The following NUP88 variants were observed in gnomAD, a reference collection of about 807,000 sequenced individuals.
NUP88 encodes nuclear pore complex protein Nup88.
NUP88 carries 57 observed loss-of-function variants against 93.9 expected under a neutral mutation model. That is an observed-to-expected ratio of 0.61 (90% CI 0.49 to 0.76). The LOEUF (loss-of-function observed/expected upper bound fraction) is 0.76, where lower values mean the gene tolerates loss of function less well. Ranked by LOEUF, NUP88 falls within the 30% of genes least tolerant of loss-of-function variation. The probability of loss-of-function intolerance (pLI) is 0.00; values close to 1 mark genes in which losing one functional copy is unlikely to be tolerated. For synonymous variants in NUP88, 346 were observed against 336.8 expected, an observed-to-expected ratio of 1.03 and a Z score of -0.30; for missense variants, 911 against 901.0, an observed-to-expected ratio of 1.01 and a Z score of -0.14.
intron 1 of NUP88, chr17:5,417,997 G>T (rs1038283426): frequency 6.6e-6 from 1 of 151,482 alleles, no homozygotes; most frequent in African/African-American, 2.4e-5. Flanking sequence ...AAAATTAGTC[G>T]GGCGTGGTGG....
At chr17:5,390,340 T>G (rs1331800313) in intron 10 of NUP88, among the ~76,000 whole-genome samples, 1 of 152,162 alleles carries the variant, frequency 6.6e-6, no homozygotes, top group Non-Finnish European at 1.5e-5. Flanking sequence ...ATTTTATTAT[T>G]TTTGTTTGGT....
chr17:5,407,218 G>A (rs911861808), intron 5 of NUP88, among the ~76,000 whole-genome samples: 1 of 152,122 alleles, frequency 6.6e-6, no homozygotes, highest in Non-Finnish European at 1.5e-5. Flanking sequence ...TCTCTCTCCT[G>A]TACCCACTTC....
In NUP88 at chr17:5,419,370, G is replaced by A; in HGVS notation, c.281C>T (p.Ala94Val). The change falls in exon 1 of 17, where the codon GCC (alanine) becomes GTC (valine). Residue 94 changes from alanine (A) to valine (V), a missense_variant. Coordinates refer to ENST00000573584, the MANE Select transcript of NUP88 (RefSeq NM_002532.6). ...TGGCATTACCTGGTACTGGGACAGGGCGGGCTCTTCGCCGCCGCCGCTGGG... is the reference window on the plus strand; with the variant it reads ...TGGCATTACCTGGTACTGGGACAGGACGGGCTCTTCGCCGCCGCCGCTGGG... Reference protein sequence around the residue: ...RGPSGGGEEPALSQYQRLLCI... With the variant: ...RGPSGGGEEPVLSQYQRLLCI... The A allele has an allele frequency of 6.2e-7, 1 of 1,600,516 alleles. No homozygotes were observed.
Position 5,388,806 on chromosome 17 carries a change from A to C in NUP88, c.1639T>G (p.Leu547Val). ...GCTATGCCCAAGGTTGCATACTTCA[A>C]AAATGCTGGATTGGCAACACTACGT... is the stretch of plus-strand genomic sequence containing the variant. The part of the protein sequence containing the change: ...LQRSVANPAF[L>V]KASEKDIAPP... Residue 547 changes from leucine (L) to valine (V), a missense_variant, in exon 11 of 17, where the codon TTG (leucine) becomes GTG (valine). Physicochemically the swap from Leu to Val is conservative, Grantham distance 32. Coordinates refer to ENST00000573584, the MANE Select transcript of NUP88 (RefSeq NM_002532.6). 1 of 1,613,284 alleles carries C rather than the reference A, an allele frequency of 6.2e-7. No homozygotes were observed. The highest frequency in any genetic ancestry group is 8.5e-7 in the Non-Finnish European group (1 of 1,179,648).
chr17:5,415,190 T>C (rs1188962635), intron 2 of NUP88, among the ~76,000 whole-genome samples: 2 of 151,734 alleles, frequency 1.3e-5, no homozygotes, highest in East Asian at 3.9e-4. Context: ...CCACTTATTT[T>C]TTGTATTTTA....
intron 9 of NUP88, among the ~76,000 whole-genome samples, chr17:5,393,571 G>A (rs757975571): frequency 2.2e-4 from 34 of 151,656 alleles, no homozygotes; most frequent in Non-Finnish European, 3.8e-4. Context: ...CGAGTAGCTG[G>A]GATTGCAGGT....
chr17:5,418,921 C>G (rs1399543828), intron 1 of NUP88, among the ~76,000 whole-genome samples: 2 of 152,188 alleles, frequency 1.3e-5, no homozygotes, highest in Admixed American at 6.5e-5. Flanking sequence ...TTAACAGAGA[C>G]TTCCTCCTCC....
chr17:5,396,724 T>A (rs2151638187), intron 8 of NUP88, among the ~76,000 whole-genome samples: 1 of 152,378 alleles, frequency 6.6e-6, no homozygotes, highest in East Asian at 1.9e-4. Context: ...TTCCAAAGAC[T>A]GTACCATTTT....
intron 8 of NUP88, among the ~76,000 whole-genome samples, chr17:5,395,565 G>C (rs1229413835): frequency 6.7e-6 from 1 of 149,532 alleles, no homozygotes; most frequent in Non-Finnish European, 1.5e-5. Flanking sequence ...GTCTCCCTCT[G>C]TTGCCCAGGC....
intron 7 of NUP88, among the ~76,000 whole-genome samples, chr17:5,403,305 C>T (rs1351253452): frequency 1.3e-5 from 2 of 151,986 alleles, no homozygotes; most frequent in African/African-American, 2.4e-5. Context: ...GTGAGACCCC[C>T]GTCTCTACTA....
At position 5,419,550 on chromosome 17, in the gene NUP88, T is replaced by C. The variant is rs202070276; in HGVS notation, c.101A>G (p.Gln34Arg). 1.2e-4 allele frequency: 189 copies of C among 1,613,166 alleles called. No homozygotes were observed. Among genetic ancestry groups the C allele is most frequent in the Non-Finnish European group, 1.5e-4 (174 of 1,179,462 alleles). ...TGGTTTCTCAGCTTCGGTTGGACTC[T>C]GGTTTTTCAGTCCCTCCCGGAGCCG... ...FLRLREGLKN[Q>R]SPTEAEKPAS... Residue 34 changes from glutamine to arginine, a missense_variant, in exon 1 of 17, where the codon CAG becomes CGG. Coordinates refer to ENST00000573584, the MANE Select transcript of NUP88 (RefSeq NM_002532.6).
intron 2 of NUP88, among the ~76,000 whole-genome samples, chr17:5,415,895 G>A (rs1914106405): frequency 6.6e-6 from 1 of 151,612 alleles, no homozygotes; most frequent in African/African-American, 2.4e-5. Context: ...CTATAACCCC[G>A]GCACTTTGGG....
rs1218726682 is a variant in NUP88 at position 5,405,158 on chromosome 17, G to GTACA, written c.939_942dup (p.Leu315CysfsTer16). ...ATATTGGGGACACAGGGTAAGCAGAGTACAGCACACGCATCATAACCATAG... is the reference window on the plus strand; with the variant it reads ...ATATTGGGGACACAGGGTAAGCAGAGTACATACAGCACACGCATCATAACCATAG... On this transcript the variant is annotated frameshift_variant, in exon 6 of 17. Transcript: ENST00000573584. LOFTEE classifies it high-confidence loss of function. 6.2e-7 allele frequency: 1 copy of GTACA among 1,614,074 alleles called. No individual in the cohort carries two copies. Among genetic ancestry groups the GTACA allele is most frequent in the Non-Finnish European group, 8.5e-7 (1 of 1,180,016 alleles).
At chr17:5,391,245 G>A (rs962823111) in intron 10 of NUP88, among the ~76,000 whole-genome samples, 1 of 152,140 alleles carries the variant, frequency 6.6e-6, no homozygotes, top group Non-Finnish European at 1.5e-5. Flanking sequence ...TGAGCTTGGC[G>A]TATGGTCACA....
chr17:5,402,176 G>A (rs927910871), intron 7 of NUP88, among the ~76,000 whole-genome samples: 1 of 152,024 alleles, frequency 6.6e-6, no homozygotes, highest in Non-Finnish European at 1.5e-5. Flanking sequence ...GCCTGGTGGC[G>A]CATGACTATA....
intron 10 of NUP88, among the ~76,000 whole-genome samples, chr17:5,389,388 A>T (rs1414543866): frequency 5.9e-5 from 9 of 152,256 alleles, no homozygotes; most frequent in Non-Finnish European, 1.3e-4. Flanking sequence ...AAAACTATTC[A>T]GTCAAGTGCA....
rs1338570326 is a variant in NUP88, at chr17:5,405,095, A to G, written c.1006T>C (p.Cys336Arg). The change falls in exon 6 of 17, where the codon TGT (cysteine) becomes CGT (arginine). Residue 336 changes from cysteine (C) to arginine (R), a missense_variant. Physicochemically the swap from Cys to Arg is radical, Grantham distance 180. Coordinates refer to ENST00000573584, the MANE Select transcript of NUP88 (RefSeq NM_002532.6). ...IATESGMLYH[C>R]VVLEGEEEDD... ...TCTTCTTCCCCTTCTAGCACGACAC[A>G]GTGATACAGCATTCCTGATTCAGTA... is the stretch of plus-strand genomic sequence containing the variant. 1 of 1,614,176 alleles carries G rather than the reference A, an allele frequency of 6.2e-7. No homozygotes were observed. Among genetic ancestry groups the G allele is most frequent in the Non-Finnish European group, 8.5e-7 (1 of 1,180,020 alleles).
Position 5,393,429 on chromosome 17 carries a change from ACTTTT to A in NUP88, c.1382+1457_1382+1461del, listed in dbSNP as rs1286510987. Among the ~76,000 whole-genome samples the A allele has an allele frequency of 6.5e-5, 9 of 138,814 alleles. No individual in the cohort carries two copies. The South Asian group carries it at 6.9e-4, about 11-fold the overall frequency. The allele number at this position is 138,814 out of a possible 152,430, so 91.1% of individuals were successfully genotyped here. A position where few individuals can be genotyped will look rare whatever the true frequency, so the allele number is the denominator to read the frequency against. On this transcript the variant is annotated intron_variant, in intron 9 of 16. Transcript: ENST00000573584. ...ATTTTATTATGTATTTTCCTTGTTC[ACTTTT>A]CTTTTTTTTTTTTTTTTTTTGAGAT...
chr17:5,392,512 T>A (rs576782538), intron 9 of NUP88, among the ~76,000 whole-genome samples: 1 of 152,300 alleles, frequency 6.6e-6, no homozygotes, highest in East Asian at 1.9e-4. Context: ...ATCTGGAAGG[T>A]TGTAAACTTT....
Sources: allele counts gnomAD v4.1 joint callset (sites outside exome capture counted in the v4.1 genomes callset), GRCh38; gene constraint gnomAD v4.1.1; transcripts MANE v1.5; gene names NCBI Gene and HGNC (gene_info 2026-07-23, HGNC 2026-07-21).